The following STX18 variants were observed in gnomAD, a reference collection of about 807,000 sequenced individuals.
STX18 encodes the protein syntaxin-18.
In STX18, 40 loss-of-function variants were observed where a neutral mutation model predicts 50.1. That is an observed-to-expected ratio of 0.80 (90% CI 0.62 to 1.04). STX18 has a LOEUF of 1.04. Ranked by LOEUF, STX18 falls within the 50% of genes least tolerant of loss-of-function variation. The pLI is 0.00. For synonymous variants in STX18, 158 were observed against 151.8 expected (o/e 1.04, Z -0.30); for missense variants, 410 against 415.8 (o/e 0.99, Z 0.12).
intron 9 of STX18, among the ~76,000 whole-genome samples, chr4:4,422,894 T>C (rs961319618): frequency 2.0e-5 from 3 of 152,228 alleles, no homozygotes; most frequent in Admixed American, 6.5e-5. Context: ...GTTCCCATAG[T>C]CTTTGGATGC....
At chr4:4,439,437 T>C (rs1456445994) in intron 5 of STX18, among the ~76,000 whole-genome samples, 3 of 91,530 alleles carry the variant, frequency 3.3e-5, no homozygotes, top group Non-Finnish European at 5.9e-5. Context: ...ACCCCCCACA[T>C]ATACCCTCCC....
At chr4:4,449,221 A>T (rs912769676) in intron 5 of STX18, among the ~76,000 whole-genome samples, 4 of 151,524 alleles carry the variant, frequency 2.6e-5, no homozygotes, top group Admixed American at 1.3e-4. Flanking sequence ...TAATTTTTAA[A>T]TTTTTTGTAG....
In STX18 at chr4:4,507,417, C is replaced by G; in HGVS notation, c.168+34380G>C. 9 of 758,170 alleles carry G rather than the reference C, an allele frequency of 1.2e-5. 1 individual carries two copies. In the South Asian group the frequency reaches 1.2e-4, roughly 10 times the overall value. 47.0% of individuals were successfully genotyped at this position (758,170 alleles called of 1,614,324 possible). ...TTCCCGTTCCTCCACTGAAATCTTT[C>G]CAGAAAATCCAAGTCCGGCTAGTAT... On this transcript the variant is annotated intron_variant, in intron 1 of 10. Transcript: ENST00000306200.
intron 1 of STX18, among the ~76,000 whole-genome samples, chr4:4,514,014 T>G (rs1487083538): frequency 6.6e-6 from 1 of 152,098 alleles, no homozygotes; most frequent in African/African-American, 2.4e-5. Context: ...AGAGGGCAGC[T>G]TCCATTGCAG....
chr4:4,447,062 A>G (rs112807781), intron 5 of STX18, among the ~76,000 whole-genome samples: 1 of 152,242 alleles, frequency 6.6e-6, no homozygotes, highest in African/African-American at 2.4e-5. Context: ...TAAACTGAGG[A>G]TCTGCTCCAT....
intron 1 of STX18, among the ~76,000 whole-genome samples, chr4:4,529,742 C>T (rs369730163): frequency 2.0e-5 from 3 of 152,212 alleles, no homozygotes; most frequent in Admixed American, 6.5e-5. Context: ...TCGGTTTCTT[C>T]ATGAATAAAG....
chr4:4,531,543 A>G (rs149481233), intron 1 of STX18, among the ~76,000 whole-genome samples: 87 of 152,304 alleles, frequency 5.7e-4, no homozygotes, highest in African/African-American at 2.0e-3. Context: ...GGCCTCTGTA[A>G]TCAGGCCACA....
chr4:4,491,557 A>C (rs1728942996), intron 1 of STX18, among the ~76,000 whole-genome samples: 1 of 152,122 alleles, frequency 6.6e-6, no homozygotes, highest in South Asian at 2.1e-4. Flanking sequence ...AACATCATCT[A>C]CCGAAAGAGG....
At chr4:4,533,894 A>C (rs573634289) in intron 1 of STX18, among the ~76,000 whole-genome samples, 1 of 152,234 alleles carries the variant, frequency 6.6e-6, no homozygotes, top group African/African-American at 2.4e-5. Context: ...CCTGAGAATC[A>C]TGCTTCTACA....
chr4:4,468,594 AT>A (rs1009920735), intron 2 of STX18, among the ~76,000 whole-genome samples: 2 of 152,122 alleles, frequency 1.3e-5, no homozygotes, highest in African/African-American at 4.8e-5. Context: ...GCTCGGTTAC[AT>A]TATCATGGTT....
chr4:4,487,504 T>G (rs1042745767), intron 1 of STX18, among the ~76,000 whole-genome samples: 6 of 152,162 alleles, frequency 3.9e-5, no homozygotes, highest in Non-Finnish European at 5.9e-5. Context: ...ACCTGGCAAG[T>G]TGAAAAGCCA....
intron 1 of STX18, among the ~76,000 whole-genome samples, chr4:4,513,383 C>T (rs1440007708): frequency 1.3e-5 from 2 of 152,126 alleles, no homozygotes; most frequent in Non-Finnish European, 2.9e-5. Context: ...GAAGCAGCAC[C>T]ACTTTATCCA....
intron 1 of STX18, among the ~76,000 whole-genome samples, chr4:4,498,556 A>C (rs1037536702): frequency 4.6e-5 from 7 of 152,214 alleles, no homozygotes; most frequent in Non-Finnish European, 1.5e-5. Context: ...TGGATTATCT[A>C]TATCATTGCT....
intron 1 of STX18, among the ~76,000 whole-genome samples, chr4:4,499,767 G>C (rs966849314): frequency 6.6e-6 from 1 of 152,110 alleles, no homozygotes; most frequent in Admixed American, 6.5e-5. Context: ...TTATCTTCAG[G>C]TCAGAGGAAC....
intron 1 of STX18, among the ~76,000 whole-genome samples, chr4:4,477,726 A>C (rs1326230392): frequency 1.3e-5 from 2 of 152,228 alleles, no homozygotes; most frequent in Admixed American, 6.5e-5. Context: ...TCACAACTAC[A>C]GTTTTCCAGT....
intron 1 of STX18, chr4:4,507,606 C>A: frequency 1.3e-6 from 1 of 765,038 alleles, no homozygotes; most frequent in South Asian, 1.4e-5. Flanking sequence ...CTTGATCTTC[C>A]CAAGCGAAAT....
upstream of STX18, chr4:4,542,153 G>T (rs1731645252): frequency 2.9e-6 from 2 of 680,550 alleles, no homozygotes; most frequent in African/African-American, 1.9e-5. Flanking sequence ...GGCCTCAGCC[G>T]GCGCACCTGG....
At chr4:4,513,448 A>G (rs4689143) in intron 1 of STX18, among the ~76,000 whole-genome samples, 3 of 152,138 alleles carry the variant, frequency 2.0e-5, no homozygotes, top group Admixed American at 1.3e-4. Flanking sequence ...GAAGGAAAGG[A>G]AAGTGTGGGG....
intron 1 of STX18, chr4:4,499,513 GA>G: frequency 1.0e-6 from 1 of 985,422 alleles, no homozygotes; most frequent in Non-Finnish European, 1.2e-6. Flanking sequence ...GTACTGCAAA[GA>G]AACAGCAAAA....
Sources: gnomAD v4.1 joint callset for allele counts (sites outside exome capture counted in the v4.1 genomes callset) on GRCh38, gnomAD v4.1.1 for gene constraint, MANE v1.5 for transcripts, NCBI Gene and HGNC (gene_info 2026-07-23, HGNC 2026-07-21) for gene names.